DLC1: variants seen among roughly 807,000 people sequenced by gnomAD.
The protein encoded by DLC1 is DLC1 Rho GTPase activating protein.
A neutral mutation model predicts 140.3 loss-of-function variants in DLC1; 54 were observed. The ratio of observed to expected loss-of-function variants is 0.38; its 90% CI spans 0.31 to 0.48. The LOEUF is 0.48. Among genes scored for constraint, DLC1 ranks in the 20% least tolerant of loss-of-function variants. The probability of loss-of-function intolerance (pLI) is 0.96; values close to 1 mark genes in which losing one functional copy is unlikely to be tolerated. For missense variants in DLC1, 2,536 were observed against 1,907.0 expected, an observed-to-expected ratio of 1.33 and a Z score of -6.14; for synonymous variants, 986 against 728.1, an observed-to-expected ratio of 1.35 and a Z score of -5.70.
At chr8:13,497,447 C>T (rs1041934102) in intron 2 of DLC1, among the ~76,000 whole-genome samples, 2 of 152,188 alleles carry the variant, frequency 1.3e-5, no homozygotes, top group Non-Finnish European at 2.9e-5. Context: ...AATGTCACAA[C>T]ACTTTAGAAT....
chr8:13,159,566 G>T (rs868227330), intron 5 of DLC1, among the ~76,000 whole-genome samples: 23 of 152,112 alleles, frequency 1.5e-4, no homozygotes, highest in African/African-American at 4.8e-4. Context: ...ACCTCTAGGT[G>T]TATCACCTCA....
intron 4 of DLC1, among the ~76,000 whole-genome samples, chr8:13,333,435 A>G (rs530346483): frequency 6.6e-6 from 1 of 151,738 alleles, no homozygotes; most frequent in Non-Finnish European, 1.5e-5. Context: ...TGTTTTAGTG[A>G]TGAGGGTCTC....
At chr8:13,348,033 C>G (rs1428732949) in intron 4 of DLC1, among the ~76,000 whole-genome samples, 1 of 152,076 alleles carries the variant, frequency 6.6e-6, no homozygotes, top group African/African-American at 2.4e-5. Flanking sequence ...AGCTTGCAGT[C>G]AGCCGAGATC....
intron 5 of DLC1, among the ~76,000 whole-genome samples, chr8:13,155,257 G>A (rs758995790): frequency 4.0e-5 from 6 of 151,110 alleles, no homozygotes; most frequent in Non-Finnish European, 5.9e-5. Context: ...TTCTGTTGAT[G>A]GTCATTTATA....
chr8:13,454,385 C>T (rs977172998), intron 2 of DLC1, among the ~76,000 whole-genome samples: 2 of 151,976 alleles, frequency 1.3e-5, no homozygotes, highest in Non-Finnish European at 2.9e-5. Context: ...ATATATAAAA[C>T]ATATTCACAA....
intron 5 of DLC1, among the ~76,000 whole-genome samples, chr8:13,164,595 C>A (rs1411492670): frequency 6.6e-6 from 1 of 152,108 alleles, no homozygotes; most frequent in Non-Finnish European, 1.5e-5. Flanking sequence ...CAACATGGAA[C>A]CATGTTGGCA....
At chr8:13,382,039 A>G (rs974543786) in intron 4 of DLC1, among the ~76,000 whole-genome samples, 4 of 152,154 alleles carry the variant, frequency 2.6e-5, no homozygotes, top group Non-Finnish European at 5.9e-5. Context: ...AGAAAAATAA[A>G]GAAAGTGTTA....
intron 5 of DLC1, among the ~76,000 whole-genome samples, chr8:13,131,197 C>T (rs1822045606): frequency 6.6e-6 from 1 of 152,168 alleles, no homozygotes; most frequent in African/African-American, 2.4e-5. Flanking sequence ...TTACAGTCTG[C>T]AAATTATTTC....
chr8:13,428,700 A>G (rs1838716632), intron 2 of DLC1, among the ~76,000 whole-genome samples: 1 of 148,382 alleles, frequency 6.7e-6, no homozygotes, highest in Non-Finnish European at 1.5e-5. Context: ...TCTGAGAGTT[A>G]AAAACCTATG....
intron 4 of DLC1, among the ~76,000 whole-genome samples, chr8:13,319,482 G>GC (rs1563250271): frequency 3.1e-4 from 36 of 114,818 alleles, no homozygotes; most frequent in African/African-American, 1.1e-3. Flanking sequence ...GGCGGGGGGG[G>GC]GGGGTGGATT....
intron 5 of DLC1, among the ~76,000 whole-genome samples, chr8:13,117,763 G>A (rs951464894): frequency 2.4e-4 from 36 of 152,192 alleles, no homozygotes; most frequent in African/African-American, 8.7e-4. Context: ...AGACACGGCA[G>A]TAGGTGAGCC....
chr8:13,475,472 G>A lies in DLC1; in HGVS notation c.1023+23577C>T, dbSNP rs573723239. Among the ~76,000 whole-genome samples, 21 of 152,256 alleles carry A rather than the reference G, an allele frequency of 1.4e-4. No individual in the cohort carries two copies. The South Asian group carries it at 1.7e-3, about 12-fold the overall frequency. On this transcript the variant is annotated intron_variant, in intron 2 of 17. Transcript: ENST00000276297. ...TAATAAATTTCCTGTTATTCTTAGC[G>A]TGTGCCCAGAAGCCATGGAGATTTT...
chr8:13,122,149 A>G (rs1378602060), intron 5 of DLC1, among the ~76,000 whole-genome samples: 6 of 152,236 alleles, frequency 3.9e-5, no homozygotes, highest in Middle Eastern at 6.8e-3. Flanking sequence ...TATGAAACAC[A>G]TATTTCATTA....
intron 1 of DLC1, among the ~76,000 whole-genome samples, chr8:13,601,785 A>G (rs1270102428): frequency 1.3e-5 from 2 of 151,826 alleles, no homozygotes; most frequent in Admixed American, 6.6e-5. Flanking sequence ...ATTCTAGAAA[A>G]TGCAATCATA....
intron 5 of DLC1, among the ~76,000 whole-genome samples, chr8:13,219,673 A>C (rs1327534314): frequency 6.6e-6 from 1 of 152,020 alleles, no homozygotes; most frequent in African/African-American, 2.4e-5. Flanking sequence ...CTATATCTCC[A>C]AGAATTGTAT....
intron 5 of DLC1, among the ~76,000 whole-genome samples, chr8:13,171,589 G>C (rs1042434127): frequency 2.6e-5 from 4 of 152,032 alleles, no homozygotes; most frequent in Middle Eastern, 3.4e-3. Flanking sequence ...GAGAAACAAG[G>C]GTTGTCCAGG....
chr8:13,141,256 CAAAAAAAAAAAAAAA>C (rs34321250), intron 5 of DLC1, among the ~76,000 whole-genome samples: 10 of 63,806 alleles, frequency 1.6e-4, no homozygotes, highest in African/African-American at 8.7e-4. Flanking sequence ...GAGTCTGTCT[CAAAAAAAAAAAAAAA>C]AAAAAAAAAA....
chr8:13,461,127 T>C (rs1366989592), intron 2 of DLC1, among the ~76,000 whole-genome samples: 1 of 152,212 alleles, frequency 6.6e-6, no homozygotes, highest in Non-Finnish European at 1.5e-5. Flanking sequence ...AAAGGTTTGC[T>C]TGAGCCCAGG....
intron 4 of DLC1, among the ~76,000 whole-genome samples, chr8:13,322,136 T>G (rs1489008446): frequency 2.0e-5 from 3 of 152,186 alleles, no homozygotes; most frequent in African/African-American, 7.2e-5. Flanking sequence ...AAGAAAAATT[T>G]AGAATAGAAA....
Sources: gnomAD v4.1 joint callset for allele counts (sites outside exome capture counted in the v4.1 genomes callset) on GRCh38, gnomAD v4.1.1 for gene constraint, MANE v1.5 for transcripts, NCBI Gene and HGNC (gene_info 2026-07-23, HGNC 2026-07-21) for gene names.